PHACTR1: variants seen among roughly 807,000 people sequenced by gnomAD.
PHACTR1 encodes phosphatase and actin regulator 1, also known as RPEL repeat containing 1.
Under a neutral mutation model 69.2 loss-of-function variants are expected in PHACTR1, and 16 were observed. The ratio of observed to expected loss-of-function variants is 0.23; its 90% confidence interval spans 0.16 to 0.35. The LOEUF (loss-of-function observed/expected upper bound fraction) is 0.35. Ranked by LOEUF, PHACTR1 falls within the 10% of genes least tolerant of loss-of-function variation. The pLI is 1.00. For missense variants in PHACTR1, 510 were observed against 734.7 expected, an observed-to-expected ratio of 0.69 and a Z score of 3.54; for synonymous variants, 312 against 284.5, an observed-to-expected ratio of 1.10 and a Z score of -0.97.
At chr6:12,744,529 G>C (rs1287796051) in intron 3 of PHACTR1, among the ~76,000 whole-genome samples, 3 of 152,104 alleles carry the variant, frequency 2.0e-5, no homozygotes, top group Non-Finnish European at 2.9e-5. Flanking sequence ...TTTGGGTCTG[G>C]AGTCTCCTCA....
intron 5 of PHACTR1, among the ~76,000 whole-genome samples, chr6:13,115,368 A>G (rs573021026): frequency 6.6e-6 from 1 of 152,266 alleles, no homozygotes; most frequent in Admixed American, 6.5e-5. Flanking sequence ...TCAAACCTTC[A>G]ACACAAACAC....
chr6:13,270,378 T>A (rs1777465678), intron 10 of PHACTR1, among the ~76,000 whole-genome samples: 1 of 152,124 alleles, frequency 6.6e-6, no homozygotes, highest in African/African-American at 2.4e-5. Flanking sequence ...TCCATAGAAC[T>A]TCACCTCCAG....
chr6:13,052,492 G>C (rs979820738), intron 4 of PHACTR1, among the ~76,000 whole-genome samples: 2 of 152,168 alleles, frequency 1.3e-5, no homozygotes, highest in Non-Finnish European at 2.9e-5. Context: ...TAGTTTCTCT[G>C]ATTATTCCTT....
rs993659223 is a variant in PHACTR1, at chr6:13,246,785, T to G, written c.1391+16592T>G. On this transcript the variant is annotated intron_variant, in intron 10 of 14. Transcript: ENST00000332995. The surrounding 1 kb of genome is among the most constrained non-coding windows in gnomAD (Gnocchi z 4.2). The stretch of plus-strand genomic sequence containing the variant: ...TACAACTGAGAAATTTGCAGTACAG[T>G]TGTTCTTCACGTGTCCCCATGTATC... Among the ~76,000 whole-genome samples, 12 of 152,210 alleles carry G rather than the reference T, an allele frequency of 7.9e-5. No homozygotes were observed. The highest frequency in any genetic ancestry group is 2.4e-4 in the African/African-American group (10 of 41,460).
intron 10 of PHACTR1, among the ~76,000 whole-genome samples, chr6:13,268,488 TA>T (rs1210269242): frequency 7.9e-5 from 12 of 152,332 alleles, no homozygotes; most frequent in African/African-American, 2.9e-4. Context: ...GGAATTCAGT[TA>T]AAAATCTTAA....
rs528863772 is a variant in PHACTR1 at position 13,199,697 on chromosome 6, G to A, written c.665-6118G>A. On this transcript the variant is annotated intron_variant, in intron 7 of 14. Coordinates refer to ENST00000332995, the MANE Select transcript of PHACTR1 (RefSeq NM_030948.6). ...AAAATTTTGAAGAAAGGCTCTTTATGCAAACTTGTCTAAAACATCCTTAAA... is the reference window on the plus strand; with the variant it reads ...AAAATTTTGAAGAAAGGCTCTTTATACAAACTTGTCTAAAACATCCTTAAA... Among the ~76,000 whole-genome samples the A allele has an allele frequency of 1.4e-4, 22 of 152,114 alleles. 1 individual carries two copies. In the South Asian group the frequency reaches 4.4e-3, roughly 30 times the overall value.
chr6:12,810,113 A>G (rs1167934073), intron 4 of PHACTR1, among the ~76,000 whole-genome samples: 3 of 152,228 alleles, frequency 2.0e-5, no homozygotes, highest in Admixed American at 1.3e-4. Context: ...TTTGGTGGTT[A>G]CAGAACGAAA....
intron 5 of PHACTR1, among the ~76,000 whole-genome samples, chr6:13,066,368 A>G (rs1583207315): frequency 6.6e-6 from 1 of 152,180 alleles, no homozygotes; most frequent in East Asian, 1.9e-4. Flanking sequence ...TTCTCTGTTT[A>G]CTAAGATCTG....
chr6:12,926,141 A>G (rs965154702), intron 4 of PHACTR1, among the ~76,000 whole-genome samples: 17 of 151,906 alleles, frequency 1.1e-4, no homozygotes, highest in African/African-American at 2.7e-4. Context: ...CCTTACTACT[A>G]GATAGAACTC....
At position 13,121,837 on chromosome 6, in the gene PHACTR1, G is replaced by A. The variant is rs537029286; in HGVS notation, c.416-38367G>A. Among the ~76,000 whole-genome samples, 14 of 152,312 alleles carry A rather than the reference G, an allele frequency of 9.2e-5. No individual in the cohort carries two copies. The South Asian group carries it at 2.9e-3, about 32-fold the overall frequency. On this transcript the variant is annotated intron_variant, in intron 5 of 14. Transcript: ENST00000332995. ...GTGCATGAAATGATGGTGATCATAT[G>A]AGCAAGGCTTCACAGTGAATCAGTT...
chr6:13,285,418 C>G (rs1290777690), intron 13 of PHACTR1, among the ~76,000 whole-genome samples: 1 of 152,178 alleles, frequency 6.6e-6, no homozygotes, highest in African/African-American at 2.4e-5. Flanking sequence ...TGCAAGAAGG[C>G]ACACGTTTGC....
chr6:13,030,579 G>A (rs1237265458), intron 4 of PHACTR1, among the ~76,000 whole-genome samples: 1 of 152,212 alleles, frequency 6.6e-6, no homozygotes, highest in African/African-American at 2.4e-5. Context: ...ATTCCCTGAA[G>A]TAGAATCCAT....
intron 3 of PHACTR1, among the ~76,000 whole-genome samples, chr6:12,726,077 T>C (rs1371131068): frequency 1.3e-5 from 2 of 152,080 alleles, no homozygotes; most frequent in African/African-American, 4.8e-5. Flanking sequence ...TTCAAATACA[T>C]AGAGATATAG....
intron 4 of PHACTR1, among the ~76,000 whole-genome samples, chr6:12,857,044 C>T (rs1252982817): frequency 6.6e-6 from 1 of 152,006 alleles, no homozygotes; most frequent in Non-Finnish European, 1.5e-5. Flanking sequence ...TTCAAACAAC[C>T]AACTAAAAAA....
chr6:12,768,216 A>G (rs751268692), intron 4 of PHACTR1, among the ~76,000 whole-genome samples: 3 of 145,580 alleles, frequency 2.1e-5, no homozygotes, highest in Non-Finnish European at 4.5e-5. Flanking sequence ...CGGGGTTCAC[A>G]CCATTCTCCT....
intron 4 of PHACTR1, among the ~76,000 whole-genome samples, chr6:12,942,227 T>A (rs1790131350): frequency 6.6e-6 from 1 of 152,216 alleles, no homozygotes; most frequent in South Asian, 2.1e-4. Flanking sequence ...CAAAATGATC[T>A]GAGTCATTTC....
intron 4 of PHACTR1, among the ~76,000 whole-genome samples, chr6:13,014,505 C>T (rs1374471660): frequency 6.6e-6 from 1 of 152,192 alleles, no homozygotes; most frequent in Non-Finnish European, 1.5e-5. Context: ...GTTGCCCCGT[C>T]CTCCTATTAT....
At chr6:13,272,602 G>C in intron 10 of PHACTR1, 2 of 1,029,264 alleles carry the variant, frequency 1.9e-6, no homozygotes, top group Non-Finnish European at 2.7e-6. Flanking sequence ...GGGGCCACTG[G>C]AGGAGATGGG....
chr6:12,884,681 G>A (rs1351452450), intron 4 of PHACTR1, among the ~76,000 whole-genome samples: 1 of 152,204 alleles, frequency 6.6e-6, no homozygotes, highest in East Asian at 1.9e-4. Flanking sequence ...GGTTACAGGC[G>A]TAAGCCACCG....
Sources: gnomAD v4.1 joint callset for allele counts (sites outside exome capture counted in the v4.1 genomes callset) on GRCh38, gnomAD v4.1.1 for gene constraint, Gnocchi (gnomAD v3.1) non-coding constraint, MANE v1.5 for transcripts, NCBI Gene and HGNC (gene_info 2026-07-23, HGNC 2026-07-21) for gene names.